The following SLC6A2 variants were observed in gnomAD, a reference collection of about 807,000 sequenced individuals.
The protein encoded by SLC6A2 is sodium-dependent noradrenaline transporter.
A neutral mutation model predicts 71.7 loss-of-function variants in SLC6A2; 26 were observed. The ratio of observed to expected loss-of-function variants is 0.36; its 90% CI spans 0.27 to 0.50. The LOEUF is 0.50. Among genes scored for constraint, SLC6A2 ranks in the 20% least tolerant of loss-of-function variants. The pLI, the probability that SLC6A2 is intolerant of heterozygous loss-of-function variation, is 0.96. For missense variants in SLC6A2, 581 were observed against 803.9 expected (o/e 0.72, Z 3.35); for synonymous variants, 363 against 337.9 (o/e 1.07, Z -0.82).
chr16:55,665,907 C>A (rs1214321991), intron 2 of SLC6A2, among the ~76,000 whole-genome samples: 1 of 152,230 alleles, frequency 6.6e-6, no homozygotes, highest in Non-Finnish European at 1.5e-5. Context: ...TTACTAAATT[C>A]ATCCAAAGGC....
At chr16:55,700,644 T>C (rs1351896264) in intron 13 of SLC6A2, among the ~76,000 whole-genome samples, 1 of 152,176 alleles carries the variant, frequency 6.6e-6, no homozygotes, top group African/African-American at 2.4e-5. Flanking sequence ...CTCACTGTGA[T>C]GTCTCTGTCT....
intron 5 of SLC6A2, among the ~76,000 whole-genome samples, chr16:55,691,660 T>C (rs1337720253): frequency 6.6e-6 from 1 of 152,218 alleles, no homozygotes; most frequent in Non-Finnish European, 1.5e-5. Flanking sequence ...GCTTTCATCA[T>C]AGTGCTATCC....
chr16:55,680,821 C>A (rs1228075400), intron 4 of SLC6A2, among the ~76,000 whole-genome samples: 1 of 152,050 alleles, frequency 6.6e-6, no homozygotes, highest in Admixed American at 6.5e-5. Context: ...CCAGACATGG[C>A]AACTGATTGC....
At chr16:55,670,652 G>A (rs28501300) in intron 3 of SLC6A2, among the ~76,000 whole-genome samples, 111,917 of 152,094 alleles carry the variant, frequency 0.74, 41,259 homozygotes, top group African/African-American at 0.76. Context: ...CAGCAACCCC[G>A]GGCTTAAATT....
chr16:55,695,936 G>C (rs914903625), intron 8 of SLC6A2, among the ~76,000 whole-genome samples: 1 of 152,134 alleles, frequency 6.6e-6, no homozygotes, highest in African/African-American at 2.4e-5. Context: ...AGGACCCCAA[G>C]CTTTAGTGAG....
chr16:55,692,792 G>A (rs1965676383), intron 6 of SLC6A2, among the ~76,000 whole-genome samples: 1 of 152,210 alleles, frequency 6.6e-6, no homozygotes, highest in Admixed American at 6.5e-5. Context: ...AGCACAGGAT[G>A]AAGAGGGATG....
chr16:55,656,573 C>T lies in SLC6A2; in HGVS notation c.-51-71C>T. On this transcript the variant is annotated intron_variant, in intron 1 of 14. Transcript: ENST00000568943. The surrounding 1 kb of genome is among the most constrained non-coding windows in gnomAD (Gnocchi z 4.5). ...CTCATCCCAGTGTCTAAGGCGCTCC[C>T]GGGTGGTCTTGGGAGTTGCAAGTAG... 1 of 1,262,062 alleles carries T rather than the reference C, an allele frequency of 7.9e-7. No homozygotes were observed. Among genetic ancestry groups the T allele is most frequent in the South Asian group, 1.2e-5 (1 of 83,206 alleles). 78.2% of individuals were successfully genotyped at this position (1,262,062 alleles called of 1,614,324 possible).
In SLC6A2 at chr16:55,666,260, A is replaced by C. The variant is rs528477376; in HGVS notation, c.275-3305A>C. On this transcript the variant is annotated intron_variant, in intron 2 of 14. Transcript: ENST00000568943. ...CATGGAGATGGAGCAGGACCACACA[A>C]GTATGGCAGTTACAAGCCTTGCAGA... 3.3e-4 allele frequency among the ~76,000 whole-genome samples: 51 copies of C among 152,330 alleles called. 1 individual carries two copies. The highest frequency in any genetic ancestry group is 6.8e-3 in the Middle Eastern group (2 of 294).
intron 2 of SLC6A2, among the ~76,000 whole-genome samples, chr16:55,662,741 C>T (rs1400528723): frequency 2.0e-5 from 3 of 152,202 alleles, no homozygotes; most frequent in Non-Finnish European, 4.4e-5. Flanking sequence ...GCGCCAGTTT[C>T]CCTGAATTCC....
At position 55,691,772 on chromosome 16, in the gene SLC6A2, G is replaced by C. The variant is rs1284096440; in HGVS notation, c.784-146G>C. The C allele has an allele frequency of 5.4e-6, 5 of 926,362 alleles. No homozygotes were observed. The East Asian group carries it at 1.3e-4, about 24-fold the overall frequency. 57.4% of individuals were successfully genotyped at this position (926,362 alleles called of 1,614,324 possible). A position where few individuals can be genotyped will look rare whatever the true frequency, so the allele number is the denominator to read the frequency against. ...GGATTCTGGCTCAGGGCCTTGCCTA[G>C]AGCTGGAACTTGTAGCATGTGCTTT... is the stretch of plus-strand genomic sequence containing the variant. On this transcript the variant is annotated intron_variant, in intron 5 of 14. Coordinates refer to ENST00000568943, the MANE Select transcript of SLC6A2 (RefSeq NM_001172501.3).
chr16:55,672,544 C>T (rs1964955816), intron 4 of SLC6A2, among the ~76,000 whole-genome samples: 1 of 152,098 alleles, frequency 6.6e-6, no homozygotes, highest in Non-Finnish European at 1.5e-5. Context: ...GGGAAAAGAA[C>T]GGTTGCGTGG....
At chr16:55,684,154 G>A (rs1375740329) in intron 4 of SLC6A2, among the ~76,000 whole-genome samples, 1 of 151,944 alleles carries the variant, frequency 6.6e-6, no homozygotes, top group Non-Finnish European at 1.5e-5. Context: ...ACAAAAATTA[G>A]CCAGGCATGG....
At position 55,696,280 on chromosome 16, in the gene SLC6A2, T is replaced by C. The variant is rs756185878; in HGVS notation, c.1203T>C (p.Ser401=). ...YPEAISTLSG[S]TFWAVVFFVM... is the part of the protein sequence containing the mutation. ...AGGCCATTTCTACCCTGTCTGGATC[T>C]ACATTCTGGGCTGTTGTGTTTTTCG... The change falls in exon 9 of 15, where the codon TCT becomes TCC. Residue 401 remains serine, a synonymous_variant. Transcript: ENST00000568943. 1 of 1,613,994 alleles carries C rather than the reference T, an allele frequency of 6.2e-7. No homozygotes were observed. Among genetic ancestry groups the C allele is most frequent in the South Asian group, 1.1e-5 (1 of 91,074 alleles).
intron 9 of SLC6A2, among the ~76,000 whole-genome samples, chr16:55,697,416 A>G (rs1965832814): frequency 6.6e-6 from 1 of 152,162 alleles, no homozygotes; most frequent in South Asian, 2.1e-4. Context: ...AAGAGTCTGG[A>G]GTTTGAAGTG....
Position 55,694,045 on chromosome 16 carries a change from C to T in SLC6A2, c.954C>T (p.Ser318=). The change falls in exon 7 of 15, where the codon TCC becomes TCT. Residue 318 remains serine, a synonymous_variant. Transcript: ENST00000568943. ...ATGCCGCAACTCAGATATTTTTTTC[C>T]TTGGGGGCTGGATTTGGAGTATTGA... ...WIDAATQIFF[S]LGAGFGVLIA... The T allele has an allele frequency of 6.2e-7, 1 of 1,613,714 alleles. No individual in the cohort carries two copies.
chr16:55,692,097 G>A, intron 6 of SLC6A2, 45 bp downstream of exon 6: 1 of 1,610,874 alleles, frequency 6.2e-7, no homozygotes, highest in Non-Finnish European at 8.5e-7. Flanking sequence ...GCTTGTGGGA[G>A]GGTTTTCAGG....
rs566819089 is a variant in SLC6A2 at position 55,656,393 on chromosome 16, T to G, written c.-52+224T>G. The G allele has an allele frequency of 2.8e-4, 141 of 495,316 alleles. No homozygotes were observed. The highest frequency in any genetic ancestry group is 2.5e-3 in the African/African-American group (126 of 51,412). The allele number at this position is 495,316 out of a possible 1,614,324, so 30.7% of individuals were successfully genotyped here. ...GCCATTTGGGGCAGGCGAGAGTGGG[T>G]GAACGAGGAAAAGTGCTGCAGGGTC... On this transcript the variant is annotated intron_variant, in intron 1 of 14. Coordinates refer to ENST00000568943, the MANE Select transcript of SLC6A2 (RefSeq NM_001172501.3). This position sits in a 1 kb window ranked among gnomAD's most constrained non-coding sequence, Gnocchi z 4.5.
intron 2 of SLC6A2, 69 bp downstream of exon 2, chr16:55,657,037 G>T: frequency 6.4e-7 from 1 of 1,556,864 alleles, no homozygotes. Flanking sequence ...GCTGGGACAG[G>T]AGCTGGAATA....
Position 55,706,047 on chromosome 16 carries a change from TAAAG to T in SLC6A2, c.*3703_*3706del, listed in dbSNP as rs1453321191. The T allele has an allele frequency of 1.3e-5, 2 of 152,236 alleles. No individual in the cohort carries two copies. The highest frequency in any genetic ancestry group is 2.9e-5 in the Non-Finnish European group (2 of 68,062). 9.4% of individuals were successfully genotyped at this position (152,236 alleles called of 1,614,324 possible). ...CTCTGTCTCTCTGCTTCCGTGTAAATAAAGACTGTTTCAATTGTGTCCTCTCTGT... is the reference window on the plus strand; with the variant it reads ...CTCTGTCTCTCTGCTTCCGTGTAAATACTGTTTCAATTGTGTCCTCTCTGT... On this transcript the variant is annotated 3_prime_UTR_variant, in exon 15 of 15. Coordinates refer to ENST00000568943, the MANE Select transcript of SLC6A2 (RefSeq NM_001172501.3).
Sources: allele counts gnomAD v4.1 joint callset (sites outside exome capture counted in the v4.1 genomes callset), GRCh38; gene constraint gnomAD v4.1.1; non-coding constraint Gnocchi (gnomAD v3.1); transcripts MANE v1.5; gene names NCBI Gene and HGNC (gene_info 2026-07-23, HGNC 2026-07-21).